DGKI: variants seen among roughly 807,000 people sequenced by gnomAD.
The protein encoded by DGKI is DAG kinase iota.
DGKI carries 55 observed loss-of-function variants against 147.5 expected under a neutral mutation model. That is an observed-to-expected ratio of 0.37 (90% CI 0.30 to 0.47). DGKI has a LOEUF of 0.47. Ranked by LOEUF, DGKI falls within the 20% of genes least tolerant of loss-of-function variation. The pLI, the probability that DGKI is intolerant of heterozygous loss-of-function variation, is 1.00. For synonymous variants in DGKI, 469 were observed against 477.1 expected, an observed-to-expected ratio of 0.98 and a Z score of 0.22; for missense variants, 1,007 against 1,323.8, an observed-to-expected ratio of 0.76 and a Z score of 3.71.
intron 27 of DGKI, among the ~76,000 whole-genome samples, chr7:137,458,771 T>C (rs1024514618): frequency 5.9e-5 from 9 of 152,208 alleles, no homozygotes; most frequent in African/African-American, 1.4e-4. Flanking sequence ...ATTAATCTTC[T>C]GCCAAATGAA....
intron 1 of DGKI, among the ~76,000 whole-genome samples, chr7:137,724,587 T>G (rs1023552022): frequency 3.9e-5 from 6 of 152,152 alleles, no homozygotes; most frequent in African/African-American, 1.4e-4. Context: ...GATGAATTGT[T>G]GGTAAAAAAG....
intron 9 of DGKI, 45 bp downstream of exon 9, chr7:137,609,490 G>T: frequency 6.8e-7 from 1 of 1,479,750 alleles, no homozygotes; most frequent in Non-Finnish European, 9.4e-7. Context: ...GTAGACTATG[G>T]AAAGAAAGTG....
At chr7:137,469,496 T>TA in intron 24 of DGKI, 54 bp downstream of exon 24, 1 of 1,581,006 alleles carries the variant, frequency 6.3e-7, no homozygotes, top group Non-Finnish European at 8.7e-7. Flanking sequence ...AATTGATGCC[T>TA]TGCTCTTCAA....
chr7:137,707,920 A>C (rs1794090047), intron 1 of DGKI, among the ~76,000 whole-genome samples: 1 of 151,920 alleles, frequency 6.6e-6, no homozygotes, highest in African/African-American at 2.4e-5. Context: ...ACAGGGAATT[A>C]TTTTGTTTTG....
intron 21 of DGKI, among the ~76,000 whole-genome samples, chr7:137,503,180 A>G (rs762850581): frequency 1.3e-5 from 2 of 152,188 alleles, no homozygotes; most frequent in Admixed American, 6.5e-5. Context: ...CAGCCTTGCT[A>G]TATAACCTTG....
At chr7:137,472,299 T>TG (rs376533829) in intron 23 of DGKI, among the ~76,000 whole-genome samples, 1 of 3,918 alleles carries the variant, frequency 2.6e-4, no homozygotes, top group Non-Finnish European at 1.2e-3. Context: ...TATGTGTATA[T>TG]TTATGTGTAT....
rs550998037 is a variant in DGKI at position 137,599,559 on chromosome 7, A to C, written c.1250+264T>G. Reference sequence around the variant, plus strand: ...TTTCTCAATTCACAGATTTGCAGAGAATAACCTACAGTTACACATACGTAA... The same window carrying C: ...TTTCTCAATTCACAGATTTGCAGAGCATAACCTACAGTTACACATACGTAA... On this transcript the variant is annotated intron_variant, in intron 11 of 32. Transcript: ENST00000614521. Among the ~76,000 whole-genome samples the C allele has an allele frequency of 1.4e-4, 22 of 152,240 alleles. 1 individual carries two copies. Among genetic ancestry groups the C allele is most frequent in the Admixed American group, 1.3e-3 (20 of 15,288 alleles).
At position 137,608,993 on chromosome 7, in the gene DGKI, A is replaced by G. The variant is rs200718569; in HGVS notation, c.1140T>C (p.Phe380=). Residue 380 remains phenylalanine, a synonymous_variant, in exon 10 of 33, where the codon TTT becomes TTC. Transcript: ENST00000614521. ...GGTTGCCTCCACTCTTGGGATTCAC[A>G]AATACAAGCAAGGGTTTCATGAGAG... ...SSPLMKPLLV[F]VNPKSGGNQG... is the part of the protein sequence containing the mutation. 3.1e-6 allele frequency: 5 copies of G among 1,613,674 alleles called. No homozygotes were observed. Among genetic ancestry groups the G allele is most frequent in the Non-Finnish European group, 3.4e-6 (4 of 1,179,668 alleles).
chr7:137,716,893 C>T (rs975752616), intron 1 of DGKI, among the ~76,000 whole-genome samples: 1 of 152,168 alleles, frequency 6.6e-6, no homozygotes, highest in South Asian at 2.1e-4. Context: ...ATTTTTCCAC[C>T]CGTGTTTTTT....
chr7:137,445,788 A>G (rs746634872), intron 27 of DGKI, among the ~76,000 whole-genome samples: 9 of 152,160 alleles, frequency 5.9e-5, no homozygotes, highest in Non-Finnish European at 7.3e-5. Context: ...TGAAGCTCCA[A>G]TTGGTTATAA....
intron 28 of DGKI, among the ~76,000 whole-genome samples, chr7:137,436,223 C>T (rs769612927): frequency 2.0e-5 from 3 of 152,030 alleles, no homozygotes; most frequent in African/African-American, 7.2e-5. Flanking sequence ...AGATTGGAAC[C>T]CTATTTTCTT....
At chr7:137,829,834 A>G (rs1262515349) in intron 1 of DGKI, among the ~76,000 whole-genome samples, 1 of 152,260 alleles carries the variant, frequency 6.6e-6, no homozygotes, top group African/African-American at 2.4e-5. Flanking sequence ...CAAATAGCTT[A>G]AGCCAGTTTT....
At chr7:137,393,598 A>G (rs1811444281) in intron 32 of DGKI, among the ~76,000 whole-genome samples, 1 of 152,258 alleles carries the variant, frequency 6.6e-6, no homozygotes, top group African/African-American at 2.4e-5. Flanking sequence ...TGGGAAGAAC[A>G]TCACATTGAG....
Position 137,587,107 on chromosome 7 carries a change from T to C in DGKI, c.1415A>G (p.Asn472Ser). The C allele has an allele frequency of 6.2e-7, 1 of 1,601,798 alleles. No homozygotes were observed. The highest frequency in any genetic ancestry group is 8.5e-7 in the Non-Finnish European group (1 of 1,176,020). Residue 472 changes from asparagine (N) to serine (S), a missense_variant, in exon 13 of 33, where the codon AAC becomes AGC. Physicochemically the swap from Asn to Ser is conservative, Grantham distance 46. Coordinates refer to ENST00000614521, the MANE Select transcript of DGKI (RefSeq NM_001321708.2). ...GTGNDLARTL[N>S]WGGGYTDEPV... ...GAGAGCAGTTCTTACCCCTCCCCAG[T>C]TGAGAGTTCGAGCCAGGTCATTCCC... is the stretch of plus-strand genomic sequence containing the variant.
chr7:137,394,485 A>G (rs909202291), intron 32 of DGKI, among the ~76,000 whole-genome samples: 6 of 151,948 alleles, frequency 3.9e-5, no homozygotes, highest in African/African-American at 1.5e-4. Context: ...CCCTGGTTCA[A>G]CTCTACTAAG....
intron 1 of DGKI, among the ~76,000 whole-genome samples, chr7:137,742,350 A>C (rs1025087): frequency 0.49 from 75,170 of 151,950 alleles, 20,804 homozygotes; most frequent in African/African-American, 0.75. Flanking sequence ...AGAACTTCAA[A>C]ATCCTTCCTA....
intron 1 of DGKI, among the ~76,000 whole-genome samples, chr7:137,735,456 T>G (rs1794996576): frequency 6.6e-6 from 1 of 152,124 alleles, no homozygotes; most frequent in Non-Finnish European, 1.5e-5. Context: ...TAGCCCTTTT[T>G]GTGCTCCCCA....
chr7:137,716,073 T>G (rs1794367567), intron 1 of DGKI, among the ~76,000 whole-genome samples: 1 of 152,202 alleles, frequency 6.6e-6, no homozygotes, highest in South Asian at 2.1e-4. Flanking sequence ...AAGCTCTGAA[T>G]GACCTAGGAA....
chr7:137,437,514 G>A (rs1176763331), intron 28 of DGKI, among the ~76,000 whole-genome samples: 1 of 152,106 alleles, frequency 6.6e-6, no homozygotes. Flanking sequence ...CCAATTAAAT[G>A]TCAAGAGATG....
Sources: allele counts gnomAD v4.1 joint callset (sites outside exome capture counted in the v4.1 genomes callset), GRCh38; gene constraint gnomAD v4.1.1; transcripts MANE v1.5; gene names NCBI Gene and HGNC (gene_info 2026-07-23, HGNC 2026-07-21).